Variants in CWH43 observed in about 807,000 individuals in gnomAD.
CWH43 encodes the protein PGAP2-interacting protein.
Under a neutral mutation model 85.7 loss-of-function variants are expected in CWH43, and 91 were observed. The observed-to-expected ratio is 1.06, with a 90% CI of 0.90 to 1.26. CWH43 has a LOEUF of 1.26. CWH43 is among the 50% of genes most tolerant of loss of function. The probability of loss-of-function intolerance (pLI) is 0.00; values close to 1 mark genes in which losing one functional copy is unlikely to be tolerated. For synonymous variants in CWH43, 323 were observed against 293.6 expected, an observed-to-expected ratio of 1.10 and a Z score of -1.02; for missense variants, 869 against 839.2, an observed-to-expected ratio of 1.04 and a Z score of -0.44.
intron 10 of CWH43, 67 bp downstream of exon 10, chr4:49,028,801 G>T (rs1167754864): frequency 1.9e-6 from 2 of 1,046,440 alleles, no homozygotes; most frequent in Non-Finnish European, 2.9e-6. Flanking sequence ...TTTCAGCAGG[G>T]TCATAAGCCA....
At chr4:48,986,859 T>G (rs1782511696) in intron 1 of CWH43, 5 of 989,918 alleles carry the variant, frequency 5.1e-6, no homozygotes, top group Admixed American at 5.9e-5. Flanking sequence ...ACTTTAAAAT[T>G]CAGAAGGAAA....
chr4:48,988,789 C>T, intron 2 of CWH43, 121 bp downstream of exon 2: 1 of 634,086 alleles, frequency 1.6e-6, no homozygotes. Flanking sequence ...TTCTCTTTTC[C>T]TTACCACTGC....
chr4:49,024,985 A>G (rs1203584113), intron 9 of CWH43, among the ~76,000 whole-genome samples: 1 of 151,924 alleles, frequency 6.6e-6, no homozygotes, highest in African/African-American at 2.4e-5. Flanking sequence ...TGGGAATACT[A>G]ATTATTCATA....
intron 9 of CWH43, among the ~76,000 whole-genome samples, chr4:49,022,479 A>G (rs978300562): frequency 1.3e-5 from 2 of 152,126 alleles, no homozygotes; most frequent in Admixed American, 6.6e-5. Context: ...TTTTGCATCT[A>G]TATTCATCAG....
chr4:49,053,515 G>A (rs1161333356), intron 15 of CWH43, among the ~76,000 whole-genome samples: 4 of 151,982 alleles, frequency 2.6e-5, no homozygotes, highest in Admixed American at 6.6e-5. Context: ...GTCTCATTGC[G>A]CTTTTAATTT....
At chr4:49,001,719 A>C (rs1351627061) in intron 6 of CWH43, among the ~76,000 whole-genome samples, 1 of 152,166 alleles carries the variant, frequency 6.6e-6, no homozygotes, top group Non-Finnish European at 1.5e-5. Flanking sequence ...TTAAAAATAG[A>C]AATAAAAATG....
intron 6 of CWH43, among the ~76,000 whole-genome samples, chr4:49,001,195 G>A (rs1221124176): frequency 6.6e-6 from 1 of 152,090 alleles, no homozygotes; most frequent in Non-Finnish European, 1.5e-5. Context: ...TAAAGCCAGA[G>A]TTCTATTTTT....
intron 8 of CWH43, among the ~76,000 whole-genome samples, chr4:49,010,705 C>T (rs1267394670): frequency 1.3e-5 from 2 of 152,136 alleles, no homozygotes; most frequent in East Asian, 3.9e-4. Flanking sequence ...CAAAGAACAT[C>T]TTTATTTCTG....
In CWH43 at chr4:49,009,565, G is replaced by A. The variant is rs184228503; in HGVS notation, c.1186+2239G>A. 2.2e-3 allele frequency among the ~76,000 whole-genome samples: 334 copies of A among 152,220 alleles called. 1 individual carries two copies. The highest frequency in any genetic ancestry group is 3.5e-3 in the Non-Finnish European group (239 of 68,016). On this transcript the variant is annotated intron_variant, in intron 8 of 15. Coordinates refer to ENST00000226432, the MANE Select transcript of CWH43 (RefSeq NM_025087.3). ...ACTTGTCTTGTGCTGGTTTTCAAAC[G>A]GAATGCTTCCAGTTTTTGCCCATTC...
chr4:49,009,804 C>T (rs1320864994), intron 8 of CWH43, among the ~76,000 whole-genome samples: 1 of 151,900 alleles, frequency 6.6e-6, no homozygotes, highest in Non-Finnish European at 1.5e-5. Context: ...GTTGAACCCA[C>T]CTTGCATCCC....
In CWH43 at chr4:48,991,966, AC is replaced by A; in HGVS notation, c.388del (p.Gln130ArgfsTer14). 6.2e-7 allele frequency: 1 copy of A among 1,613,710 alleles called. No homozygotes were observed. The highest frequency in any genetic ancestry group is 8.5e-7 in the Non-Finnish European group (1 of 1,179,834). On this transcript the variant is annotated frameshift_variant, in exon 4 of 16. Transcript: ENST00000226432. LOFTEE classifies it high-confidence loss of function. ...YLRIWGFILG[Q>X]IVLVVLRIWY... ...TCAGAATTTGGGGATTCATTTTAGG[AC>A]AGATTGTTCTTGTTGTTCTACGCAT...
intron 13 of CWH43, among the ~76,000 whole-genome samples, chr4:49,042,184 G>A (rs1167801764): frequency 2.6e-5 from 4 of 152,162 alleles, no homozygotes; most frequent in Non-Finnish European, 4.4e-5. Context: ...GACCTACTCA[G>A]TAGATGAGTC....
At chr4:49,005,502 G>A (rs1783127235) in intron 7 of CWH43, among the ~76,000 whole-genome samples, 1 of 151,404 alleles carries the variant, frequency 6.6e-6, no homozygotes, top group Non-Finnish European at 1.5e-5. Context: ...AGAAATTACA[G>A]TTGTGTGAGT....
At position 48,994,821 on chromosome 4, in the gene CWH43, G is replaced by A. The variant is rs769203270; in HGVS notation, c.713+1G>A. 3 of 1,613,374 alleles carry A rather than the reference G, an allele frequency of 1.9e-6. No homozygotes were observed. Among genetic ancestry groups the A allele is most frequent in the East Asian group, 4.5e-5 (2 of 44,892 alleles). On this transcript the variant is annotated splice_donor_variant, in intron 5 of 15. Coordinates refer to ENST00000226432, the MANE Select transcript of CWH43 (RefSeq NM_025087.3). LOFTEE classifies it high-confidence loss of function. ...CAGGGCCAGATCCTAACCCATTTGG[G>A]TGAGTTTGGGTTTGGAAGCAATCAC...
chr4:49,022,595 A>G (rs1783786398), intron 9 of CWH43, among the ~76,000 whole-genome samples: 2 of 152,226 alleles, frequency 1.3e-5, no homozygotes, highest in Middle Eastern at 3.4e-3. Context: ...CTCTTTCTCT[A>G]TCTTTTGGAA....
chr4:49,030,986 C>A, intron 11 of CWH43, 26 bp downstream of exon 11: 1 of 1,543,384 alleles, frequency 6.5e-7, no homozygotes, highest in African/African-American at 1.4e-5. Flanking sequence ...GAGTTAATCC[C>A]GAAGATAGTC....
chr4:49,010,484 G>A (rs962590764), intron 8 of CWH43, among the ~76,000 whole-genome samples: 13 of 152,074 alleles, frequency 8.5e-5, no homozygotes, highest in African/African-American at 2.7e-4. Flanking sequence ...CTTTCGTTCT[G>A]CTCTGATCTT....
intron 11 of CWH43, 96 bp downstream of exon 11, chr4:49,031,056 A>C: frequency 8.3e-7 from 1 of 1,201,374 alleles, no homozygotes; most frequent in East Asian, 2.8e-5. Flanking sequence ...ATCTTTGGTG[A>C]ATGTGCCCCA....
At chr4:49,059,397 T>C (rs1180871654) in intron 15 of CWH43, among the ~76,000 whole-genome samples, 1 of 152,254 alleles carries the variant, frequency 6.6e-6, no homozygotes, top group Non-Finnish European at 1.5e-5. Context: ...TGTTCTCTTG[T>C]AGCTCACTTA....
Sources: allele counts gnomAD v4.1 joint callset (sites outside exome capture counted in the v4.1 genomes callset), GRCh38; gene constraint gnomAD v4.1.1; transcripts MANE v1.5; gene names NCBI Gene and HGNC (gene_info 2026-07-23, HGNC 2026-07-21).